Variants in ARID3A observed in about 807,000 individuals in gnomAD.
ARID3A encodes AT-rich interaction domain 3A.
Under a neutral mutation model 52.7 loss-of-function variants are expected in ARID3A, and 11 were observed. That is an observed-to-expected ratio of 0.21 (90% CI 0.13 to 0.35). ARID3A has a LOEUF of 0.35. Ranked by LOEUF, ARID3A falls within the 10% of genes least tolerant of loss-of-function variation. ARID3A has a pLI of 1.00. For missense variants in ARID3A, 721 were observed against 838.5 expected, an observed-to-expected ratio of 0.86 and a Z score of 1.73; for synonymous variants, 404 against 359.4, an observed-to-expected ratio of 1.12 and a Z score of -1.40.
In ARID3A at chr19:964,540, A is replaced by G; in HGVS notation, c.950+109A>G. On this transcript the variant is annotated intron_variant, in intron 5 of 8. Coordinates refer to ENST00000263620, the MANE Select transcript of ARID3A (RefSeq NM_005224.3). This position sits in a 1 kb window ranked among gnomAD's most constrained non-coding sequence, Gnocchi z 5.7. ...GGTGGGCAGCTGCAGAGGAGGGGGC[A>G]GTGGGCAGCCGCAAAGGGCACAGGG... is the stretch of plus-strand genomic sequence containing the variant. The G allele has an allele frequency of 7.1e-7, 1 of 1,398,966 alleles. No homozygotes were observed. Among genetic ancestry groups the G allele is most frequent in the Non-Finnish European group, 9.5e-7 (1 of 1,047,984 alleles). The allele number at this position is 1,398,966 out of a possible 1,614,324, so 86.7% of individuals were successfully genotyped here.
chr19:964,540 A>C lies in ARID3A; in HGVS notation c.950+109A>C, dbSNP rs1475488560. On this transcript the variant is annotated intron_variant, in intron 5 of 8. Transcript: ENST00000263620. This position sits in a 1 kb window ranked among gnomAD's most constrained non-coding sequence, Gnocchi z 5.7. ...GGTGGGCAGCTGCAGAGGAGGGGGC[A>C]GTGGGCAGCCGCAAAGGGCACAGGG... The C allele has an allele frequency of 3.6e-6, 5 of 1,398,848 alleles. No individual in the cohort carries two copies. Among genetic ancestry groups the C allele is most frequent in the Non-Finnish European group, 3.8e-6 (4 of 1,047,992 alleles). 86.7% of individuals were successfully genotyped at this position (1,398,848 alleles called of 1,614,324 possible). A position where few individuals can be genotyped will look rare whatever the true frequency, so the allele number is the denominator to read the frequency against.
Position 975,213 on chromosome 19 carries a change from C to T in ARID3A, c.*3148C>T, listed in dbSNP as rs755189344. The T allele has an allele frequency of 2.6e-5, 6 of 230,974 alleles. No homozygotes were observed. The highest frequency in any genetic ancestry group is 1.8e-4 in the South Asian group (1 of 5,504). The allele number at this position is 230,974 out of a possible 1,614,324, so 14.3% of individuals were successfully genotyped here. On this transcript the variant is annotated 3_prime_UTR_variant, in exon 9 of 9. Transcript: ENST00000263620. ...GGATGGGTTCTAGTTCACTTGGGAC[C>T]GTGGGGCCTGGCTGCGTACTGAGTG... is the stretch of plus-strand genomic sequence containing the variant.
intron 3 of ARID3A, among the ~76,000 whole-genome samples, chr19:937,522 C>T (rs1263959833): frequency 6.6e-6 from 1 of 151,914 alleles, no homozygotes; most frequent in Non-Finnish European, 1.5e-5. Context: ...TGTGGGCGTA[C>T]GTTTGTATTA....
At chr19:933,574 G>C (rs755223159) in intron 3 of ARID3A, among the ~76,000 whole-genome samples, 1 of 152,160 alleles carries the variant, frequency 6.6e-6, no homozygotes, top group African/African-American at 2.4e-5. Context: ...TGATGGACAC[G>C]CTGGGACATG....
intron 2 of ARID3A, 126 bp from the exon 3 acceptor site, chr19:932,292 G>C: frequency 6.6e-7 from 1 of 1,524,492 alleles, no homozygotes; most frequent in Non-Finnish European, 8.8e-7. Flanking sequence ...TGCAGTCTGA[G>C]CTGGCGGCGG....
chr19:952,955 C>T (rs1236147403), intron 3 of ARID3A, among the ~76,000 whole-genome samples: 1 of 152,194 alleles, frequency 6.6e-6, no homozygotes, highest in Admixed American at 6.5e-5. Context: ...CACCTGTGAC[C>T]TTGGGCACTG....
chr19:944,389 T>C lies in ARID3A; in HGVS notation c.693+11647T>C, dbSNP rs972292460. On this transcript the variant is annotated intron_variant, in intron 3 of 8. Coordinates refer to ENST00000263620, the MANE Select transcript of ARID3A (RefSeq NM_005224.3). This position sits in a 1 kb window ranked among gnomAD's most constrained non-coding sequence, Gnocchi z 5.9. ...CTGGCTGTGTGGCTGCACGGAGGCC[T>C]GTCTGGGTAGGAGTGTCGGTGGGGG... 6.6e-6 allele frequency among the ~76,000 whole-genome samples: 1 copy of C among 152,046 alleles called. No homozygotes were observed. Among genetic ancestry groups the C allele is most frequent in the Non-Finnish European group, 1.5e-5 (1 of 67,994 alleles).
chr19:942,739 G>A lies in ARID3A; in HGVS notation c.693+9997G>A, dbSNP rs935174408. ...CCCAGGCCCCATGTCCAGAAGCCACGCTGGACATAGTGCCCAGATTCCATG... is the reference window on the plus strand; with the variant it reads ...CCCAGGCCCCATGTCCAGAAGCCACACTGGACATAGTGCCCAGATTCCATG... On this transcript the variant is annotated intron_variant, in intron 3 of 8. Coordinates refer to ENST00000263620, the MANE Select transcript of ARID3A (RefSeq NM_005224.3). The surrounding 1 kb of genome is among the most constrained non-coding windows in gnomAD (Gnocchi z 8.1). 5.3e-5 allele frequency among the ~76,000 whole-genome samples: 8 copies of A among 152,166 alleles called. No individual in the cohort carries two copies. Among genetic ancestry groups the A allele is most frequent in the East Asian group, 3.9e-4 (2 of 5,194 alleles).
At position 960,225 on chromosome 19, in the gene ARID3A, C is replaced by A; in HGVS notation, c.766+61C>A. On this transcript the variant is annotated intron_variant, in intron 4 of 8. Coordinates refer to ENST00000263620, the MANE Select transcript of ARID3A (RefSeq NM_005224.3). This position sits in a 1 kb window ranked among gnomAD's most constrained non-coding sequence, Gnocchi z 4.3. ...CACAGAAACAGGGCTGTAGGAGGGG[C>A]CCTACTGGCTCCAGGTATGTCGGGG... 1 of 1,486,414 alleles carries A rather than the reference C, an allele frequency of 6.7e-7. No homozygotes were observed. Among genetic ancestry groups the A allele is most frequent in the Admixed American group, 1.8e-5 (1 of 54,608 alleles). The allele number at this position is 1,486,414 out of a possible 1,614,324, so 92.1% of individuals were successfully genotyped here. A position where few individuals can be genotyped will look rare whatever the true frequency, so the allele number is the denominator to read the frequency against.
chr19:952,134 C>T (rs996636546), intron 3 of ARID3A, among the ~76,000 whole-genome samples: 2 of 151,910 alleles, frequency 1.3e-5, no homozygotes, highest in African/African-American at 2.4e-5. Context: ...GAGCGAGACT[C>T]GGTCTCAAAA....
At chr19:971,206 G>A (rs563053795) in intron 8 of ARID3A, among the ~76,000 whole-genome samples, 205 of 152,324 alleles carry the variant, frequency 1.3e-3, no homozygotes, top group Middle Eastern at 3.4e-3. Context: ...CTGGGCTCAC[G>A]TCTGTAATCC....
At position 959,450 on chromosome 19, in the gene ARID3A, A is replaced by G. The variant is rs975846937; in HGVS notation, c.694-642A>G. 1.3e-5 allele frequency among the ~76,000 whole-genome samples: 2 copies of G among 151,960 alleles called. No homozygotes were observed. Among genetic ancestry groups the G allele is most frequent in the African/African-American group, 4.8e-5 (2 of 41,378 alleles). On this transcript the variant is annotated intron_variant, in intron 3 of 8. Transcript: ENST00000263620. The surrounding 1 kb of genome is among the most constrained non-coding windows in gnomAD (Gnocchi z 5.0). ...CACCCCACCTGGGTAACTTTTTGTT[A>G]TCATAATGTAGAGATGGGGTCTCAC...
intron 2 of ARID3A, among the ~76,000 whole-genome samples, chr19:930,791 GA>G (rs1395367201): frequency 6.6e-6 from 1 of 151,628 alleles, no homozygotes; most frequent in African/African-American, 2.4e-5. Flanking sequence ...TTACAGGCGT[GA>G]GCCACCACAC....
chr19:926,248 G>C (rs1242412541), intron 1 of ARID3A, among the ~76,000 whole-genome samples, 189 bp downstream of exon 1: 1 of 150,520 alleles, frequency 6.6e-6, no homozygotes, highest in Non-Finnish European at 1.5e-5. Context: ...CCGGTGCCGG[G>C]GTGGGCGCAG....
At chr19:965,439 G>A (rs1360421098) in intron 6 of ARID3A, among the ~76,000 whole-genome samples, 1 of 151,798 alleles carries the variant, frequency 6.6e-6, no homozygotes, top group Non-Finnish European at 1.5e-5. Flanking sequence ...ATAACACAGA[G>A]GTACCAACAG....
At chr19:936,052 A>G (rs533443612) in intron 3 of ARID3A, among the ~76,000 whole-genome samples, 2 of 151,856 alleles carry the variant, frequency 1.3e-5, no homozygotes, top group East Asian at 1.9e-4. Flanking sequence ...GGCCTCCCAA[A>G]GCGCTGGGAT....
At position 932,523 on chromosome 19, in the gene ARID3A, G is replaced by C. The variant is rs773047006; in HGVS notation, c.474G>C (p.Gly158=). The change falls in exon 3 of 9, where the codon GGG becomes GGC. Residue 158 remains glycine (G), a synonymous_variant. Transcript: ENST00000263620. ...AGGAGGAGGAGGAGGACGAGGAGGG[G>C]CTGGGCCCCCCAGGCCCTGCCAGCT... ...EDEEEEEDEE[G]LGPPGPASLG... 23 of 1,532,468 alleles carry C rather than the reference G, an allele frequency of 1.5e-5. No homozygotes were observed. The highest frequency in any genetic ancestry group is 2.0e-5 in the Non-Finnish European group (23 of 1,143,896). The allele number at this position is 1,532,468 out of a possible 1,614,324, so 94.9% of individuals were successfully genotyped here.
At chr19:961,425 C>A (rs1437597321) in intron 4 of ARID3A, among the ~76,000 whole-genome samples, 1 of 152,228 alleles carries the variant, frequency 6.6e-6, no homozygotes, top group African/African-American at 2.4e-5. Flanking sequence ...CCTGTGTTAT[C>A]CTCCAAGGCC....
intron 8 of ARID3A, 48 bp from the exon 9 acceptor site, chr19:971,830 G>T (rs201461759): frequency 1.9e-6 from 3 of 1,546,258 alleles, no homozygotes; most frequent in South Asian, 1.2e-5. Flanking sequence ...GGCCCGCCTC[G>T]CATCTTCTTA....
Sources: gnomAD v4.1 joint callset for allele counts (sites outside exome capture counted in the v4.1 genomes callset) on GRCh38, gnomAD v4.1.1 for gene constraint, Gnocchi (gnomAD v3.1) non-coding constraint, MANE v1.5 for transcripts, NCBI Gene and HGNC (gene_info 2026-07-23, HGNC 2026-07-21) for gene names.